Variants in MAP4K3 observed in about 807,000 individuals in gnomAD.
MAP4K3 encodes MAPK/ERK kinase kinase kinase 3.
MAP4K3 carries 94 observed loss-of-function variants against 143.5 expected under a neutral mutation model. That is an observed-to-expected ratio of 0.65 (90% CI 0.55 to 0.78). The LOEUF (loss-of-function observed/expected upper bound fraction) is 0.78. Among genes scored for constraint, MAP4K3 ranks in the 30% least tolerant of loss-of-function variants. MAP4K3 has a pLI of 0.00. For synonymous variants in MAP4K3, 416 were observed against 347.2 expected (o/e 1.20, Z -2.20); for missense variants, 1,077 against 1,068.1 (o/e 1.01, Z -0.12).
In MAP4K3 at chr2:39,416,746, T is replaced by A. The variant is rs987169425; in HGVS notation, c.96+20146A>T. ...TGAGATCACTGAACCCTCTTCTTCC[T>A]TAGCATAAAAAAGAATATTTTTAAA... On this transcript the variant is annotated intron_variant, in intron 1 of 33. Transcript: ENST00000263881. Among the ~76,000 whole-genome samples, 2 of 152,244 alleles carry A rather than the reference T, an allele frequency of 1.3e-5. 1 individual carries two copies. Among genetic ancestry groups the A allele is most frequent in the African/African-American group, 4.8e-5 (2 of 41,472 alleles).
chr2:39,352,159 C>T (rs569592653), intron 3 of MAP4K3, among the ~76,000 whole-genome samples: 14 of 152,064 alleles, frequency 9.2e-5, no homozygotes, highest in Admixed American at 5.2e-4. Context: ...GGTGTGGTAG[C>T]GTGCGCCCGT....
intron 28 of MAP4K3, among the ~76,000 whole-genome samples, chr2:39,263,323 A>G (rs1573067376): frequency 1.6e-5 from 2 of 127,788 alleles, no homozygotes; most frequent in Admixed American, 1.8e-4. Flanking sequence ...CCCAGGCGGG[A>G]GTGCAGTGGC....
chr2:39,285,964 T>A (rs1302076333), intron 21 of MAP4K3, among the ~76,000 whole-genome samples: 1 of 152,238 alleles, frequency 6.6e-6, no homozygotes, highest in Non-Finnish European at 1.5e-5. Flanking sequence ...ATAGTTCTGA[T>A]GTTTTAGCTA....
Position 39,275,054 on chromosome 2 carries a change from C to A in MAP4K3, c.1795-2512G>T, listed in dbSNP as rs1207408891. On this transcript the variant is annotated intron_variant, in intron 24 of 33. Transcript: ENST00000263881. ...ACTAATTCTTTACTCTTATAGGCTCCCTCTAGGAGGGAAAAATGTTTCCTT... is the reference window on the plus strand; with the variant it reads ...ACTAATTCTTTACTCTTATAGGCTCACTCTAGGAGGGAAAAATGTTTCCTT... 2.6e-5 allele frequency among the ~76,000 whole-genome samples: 4 copies of A among 152,112 alleles called. No homozygotes were observed. The South Asian group carries it at 8.3e-4, about 32-fold the overall frequency.
intron 1 of MAP4K3, among the ~76,000 whole-genome samples, chr2:39,396,239 C>T (rs12712642): frequency 1.3e-5 from 2 of 151,584 alleles, no homozygotes; most frequent in East Asian, 1.9e-4. Context: ...TGGGGTCTCA[C>T]GATGTTGCTC....
At chr2:39,428,978 T>C (rs941297885) in intron 1 of MAP4K3, among the ~76,000 whole-genome samples, 7 of 148,902 alleles carry the variant, frequency 4.7e-5, no homozygotes, top group Non-Finnish European at 7.4e-5. Context: ...TGAGGCAGAA[T>C]TGCTTGAACC....
intron 28 of MAP4K3, among the ~76,000 whole-genome samples, chr2:39,263,525 C>T (rs563881928): frequency 6.9e-4 from 105 of 151,802 alleles, no homozygotes; most frequent in African/African-American, 2.5e-3. Flanking sequence ...GTGATCCGCC[C>T]GCCTCGGCCT....
At chr2:39,303,868 AT>A (rs1682599644) in intron 15 of MAP4K3, among the ~76,000 whole-genome samples, 2 of 152,294 alleles carry the variant, frequency 1.3e-5, no homozygotes, top group South Asian at 4.1e-4. Flanking sequence ...TTAACTTTCA[AT>A]TTTTTGTTTT....
At chr2:39,429,908 T>C (rs1479337590) in intron 1 of MAP4K3, among the ~76,000 whole-genome samples, 1 of 152,218 alleles carries the variant, frequency 6.6e-6, no homozygotes, top group Non-Finnish European at 1.5e-5. Context: ...TACTCACATG[T>C]GTACTGTCAA....
rs1210287336 is a variant in MAP4K3 at position 39,272,265 on chromosome 2, C to T, written c.1973+18G>A. 3.3e-6 allele frequency: 5 copies of T among 1,532,788 alleles called. No homozygotes were observed. The African/African-American group carries it at 6.8e-5, about 21-fold the overall frequency. 94.9% of individuals were successfully genotyped at this position (1,532,788 alleles called of 1,614,324 possible). ...ATGAACTGTTAATATCATATTGCCT[C>T]TAAGGATGTACCCTTACCTTGGCAG... is the stretch of plus-strand genomic sequence containing the variant. On this transcript the variant is annotated intron_variant, in intron 26 of 33. Coordinates refer to ENST00000263881, the MANE Select transcript of MAP4K3 (RefSeq NM_003618.4).
intron 4 of MAP4K3, among the ~76,000 whole-genome samples, chr2:39,342,217 C>A (rs1158853784): frequency 6.6e-6 from 1 of 151,928 alleles, no homozygotes; most frequent in Non-Finnish European, 1.5e-5. Flanking sequence ...TGGCTCACTG[C>A]AACCTCCGCC....
At chr2:39,412,879 C>A (rs1488143517) in intron 1 of MAP4K3, among the ~76,000 whole-genome samples, 1 of 152,046 alleles carries the variant, frequency 6.6e-6, no homozygotes, top group Non-Finnish European at 1.5e-5. Flanking sequence ...AAATTCAAAT[C>A]TGGCAATCAA....
At chr2:39,425,459 G>C (rs1027068436) in intron 1 of MAP4K3, among the ~76,000 whole-genome samples, 21 of 152,178 alleles carry the variant, frequency 1.4e-4, no homozygotes, top group African/African-American at 4.3e-4. Context: ...GCAGCATCTG[G>C]AGATGGGGCT....
At chr2:39,370,797 G>A (rs1012206440) in intron 2 of MAP4K3, among the ~76,000 whole-genome samples, 18 of 152,062 alleles carry the variant, frequency 1.2e-4, no homozygotes, top group Non-Finnish European at 1.6e-4. Flanking sequence ...TTATCTATCT[G>A]CATTTGTATC....
At chr2:39,283,944 T>A (rs188936272) in intron 21 of MAP4K3, among the ~76,000 whole-genome samples, 1 of 152,340 alleles carries the variant, frequency 6.6e-6, no homozygotes, top group Admixed American at 6.5e-5. Context: ...AAAAAGCTAC[T>A]GTTAATTGAT....
chr2:39,344,872 G>A (rs1443214496), intron 3 of MAP4K3, among the ~76,000 whole-genome samples: 3 of 152,192 alleles, frequency 2.0e-5, no homozygotes, highest in African/African-American at 7.2e-5. Context: ...AGTGGGAGTT[G>A]AAGAAAGACT....
intron 26 of MAP4K3, among the ~76,000 whole-genome samples, chr2:39,269,356 A>C (rs966703791): frequency 6.6e-6 from 1 of 151,666 alleles, no homozygotes; most frequent in Admixed American, 6.6e-5. Flanking sequence ...TTTTAGCTTC[A>C]TTTACTGAGT....
At chr2:39,423,383 T>A (rs1664953465) in intron 1 of MAP4K3, among the ~76,000 whole-genome samples, 1 of 152,184 alleles carries the variant, frequency 6.6e-6, no homozygotes, top group Non-Finnish European at 1.5e-5. Context: ...CTAAAAGCAG[T>A]CTTACCACAC....
intron 2 of MAP4K3, among the ~76,000 whole-genome samples, chr2:39,361,459 G>C (rs991061088): frequency 6.6e-5 from 10 of 150,910 alleles, no homozygotes; most frequent in Admixed American, 6.6e-4. Flanking sequence ...AAAAAAATAA[G>C]GCGGTATAAA....
Sources: gnomAD v4.1 joint callset for allele counts (sites outside exome capture counted in the v4.1 genomes callset) on GRCh38, gnomAD v4.1.1 for gene constraint, MANE v1.5 for transcripts, NCBI Gene and HGNC (gene_info 2026-07-23, HGNC 2026-07-21) for gene names.